The following ZNF385D variants were observed in gnomAD, a reference collection of about 807,000 sequenced individuals.
ZNF385D encodes zinc finger protein 385D.
A neutral mutation model predicts 35.8 loss-of-function variants in ZNF385D; 15 were observed. The observed-to-expected ratio is 0.42, with a 90% CI of 0.28 to 0.64. ZNF385D has a LOEUF of 0.64. ZNF385D is among the 30% of genes least tolerant of loss of function. ZNF385D has a pLI of 0.23. For missense variants in ZNF385D, 474 were observed against 494.6 expected, an observed-to-expected ratio of 0.96 and a Z score of 0.39; for synonymous variants, 212 against 186.8, an observed-to-expected ratio of 1.13 and a Z score of -1.10.
At chr3:22,018,017 C>T (rs1042396930) in intron 3 of ZNF385D, among the ~76,000 whole-genome samples, 1 of 151,720 alleles carries the variant, frequency 6.6e-6, no homozygotes, top group African/African-American at 2.4e-5. Context: ...TGATATTTAA[C>T]TGGATATAGA....
At chr3:21,993,190 A>T (rs553240684) in intron 3 of ZNF385D, among the ~76,000 whole-genome samples, 1 of 152,286 alleles carries the variant, frequency 6.6e-6, no homozygotes, top group East Asian at 1.9e-4. Context: ...ATACTTTGAC[A>T]TTCATATCTG....
At chr3:22,124,279 A>G (rs1703297122) in intron 3 of ZNF385D, among the ~76,000 whole-genome samples, 1 of 152,122 alleles carries the variant, frequency 6.6e-6, no homozygotes, top group South Asian at 2.1e-4. Flanking sequence ...TAATGGCTGA[A>G]TAGTACTTCA....
chr3:21,580,423 A>T lies in ZNF385D; in HGVS notation c.166-15739T>A, dbSNP rs115523703. Among the ~76,000 whole-genome samples, 1,439 of 152,336 alleles carry T rather than the reference A, an allele frequency of 9.4e-3. 10 individuals are homozygous for T. The highest frequency in any genetic ancestry group is 0.015 in the Non-Finnish European group (989 of 68,036). On this transcript the variant is annotated intron_variant, in intron 2 of 7. Coordinates refer to ENST00000281523, the MANE Select transcript of ZNF385D (RefSeq NM_024697.3). ...TCACAAAATTAAAGTTACGAAGTCT[A>T]TAGAAAACAAATTAAACAATGGCAC...
rs150485626 is a variant in ZNF385D at position 22,186,150 on chromosome 3, T to G, written c.107-17115A>C. 1.9e-3 allele frequency among the ~76,000 whole-genome samples: 286 copies of G among 152,276 alleles called. 2 individuals are homozygous for G. In the Middle Eastern group the frequency reaches 0.024, roughly 13 times the overall value. On this transcript the variant is annotated intron_variant, in intron 2 of 5. Coordinates refer to the ZNF385D transcript ENST00000494108. Reference sequence around the variant, plus strand: ...GCAAGTTTACTTCACGTAATTGGAGTTAGAAAGTGAGGTTTTTCTTTAGGA... The same window carrying G: ...GCAAGTTTACTTCACGTAATTGGAGGTAGAAAGTGAGGTTTTTCTTTAGGA...
At chr3:21,963,332 G>A (rs1217489513) in intron 3 of ZNF385D, among the ~76,000 whole-genome samples, 3 of 152,132 alleles carry the variant, frequency 2.0e-5, no homozygotes, top group Admixed American at 1.3e-4. Flanking sequence ...GGAGAAGGAT[G>A]AACAGTACTT....
At chr3:22,057,444 T>C (rs552277430) in intron 3 of ZNF385D, among the ~76,000 whole-genome samples, 3 of 152,290 alleles carry the variant, frequency 2.0e-5, no homozygotes, top group African/African-American at 7.2e-5. Context: ...CAACTGATAC[T>C]GCAATTAAAT....
Position 21,421,191 on chromosome 3 carries a change from G to A in ZNF385D, c.*23C>T, listed in dbSNP as rs1478791788. ...TTTTGTTTTTTGAAAAATTATTGCA[G>A]TACAATTACTCCTATTTGGAATTTA... On this transcript the variant is annotated 3_prime_UTR_variant, in exon 8 of 8. Transcript: ENST00000281523. 1 of 1,593,790 alleles carries A rather than the reference G, an allele frequency of 6.3e-7. No homozygotes were observed. The highest frequency in any genetic ancestry group is 8.6e-7 in the Non-Finnish European group (1 of 1,162,784).
At chr3:21,948,171 T>C (rs1204877051) in intron 3 of ZNF385D, among the ~76,000 whole-genome samples, 1 of 152,138 alleles carries the variant, frequency 6.6e-6, no homozygotes. Context: ...CAAAACTGGA[T>C]GGATTCTTCT....
chr3:21,969,218 T>C (rs1281326165), intron 3 of ZNF385D, among the ~76,000 whole-genome samples: 1 of 152,230 alleles, frequency 6.6e-6, no homozygotes, highest in East Asian at 1.9e-4. Flanking sequence ...ACCAGGTAGA[T>C]ACCTGATATG....
At chr3:21,924,581 T>C (rs1345516881) in intron 3 of ZNF385D, among the ~76,000 whole-genome samples, 1 of 152,146 alleles carries the variant, frequency 6.6e-6, no homozygotes, top group Non-Finnish European at 1.5e-5. Context: ...ACCTCTCTAA[T>C]CTATTACAAG....
intron 2 of ZNF385D, among the ~76,000 whole-genome samples, chr3:22,314,559 T>C (rs1266488079): frequency 6.6e-6 from 1 of 152,168 alleles, no homozygotes; most frequent in Non-Finnish European, 1.5e-5. Flanking sequence ...TTTTCCCTAA[T>C]TTTCTTCTAC....
Position 21,736,159 on chromosome 3 carries a change from T to C in ZNF385D, c.22+14736A>G, listed in dbSNP as rs552606302. Among the ~76,000 whole-genome samples, 8 of 152,274 alleles carry C rather than the reference T, an allele frequency of 5.3e-5. No homozygotes were observed. In the South Asian group the frequency reaches 1.7e-3, roughly 32 times the overall value. ...TTTTTGTAAAATAGAGATAATGACA[T>C]CTAGTCATTAAAACAACAGCCTTGC... On this transcript the variant is annotated intron_variant, in intron 1 of 7. Coordinates refer to ENST00000281523, the MANE Select transcript of ZNF385D (RefSeq NM_024697.3).
In ZNF385D at chr3:21,693,642, T is replaced by C. The variant is rs377121882; in HGVS notation, c.23-28614A>G. 3.5e-4 allele frequency among the ~76,000 whole-genome samples: 54 copies of C among 152,244 alleles called. 1 individual carries two copies. Among genetic ancestry groups the C allele is most frequent in the African/African-American group, 1.2e-3 (51 of 41,550 alleles). On this transcript the variant is annotated intron_variant, in intron 1 of 7. Coordinates refer to ENST00000281523, the MANE Select transcript of ZNF385D (RefSeq NM_024697.3). ...TGCTAAAATTCATAAACCAAAAAAG[T>C]ATATGTCCTTTGTAAAGTATAACAG...
intron 1 of ZNF385D, among the ~76,000 whole-genome samples, chr3:21,697,688 A>T (rs183460739): frequency 2.6e-5 from 4 of 152,340 alleles, no homozygotes; most frequent in Admixed American, 2.6e-4. Context: ...AACGGGAGAA[A>T]ATATTTGCAA....
intron 3 of ZNF385D, among the ~76,000 whole-genome samples, chr3:22,016,838 C>A (rs1696917058): frequency 6.6e-6 from 1 of 151,948 alleles, no homozygotes; most frequent in South Asian, 2.1e-4. Context: ...TCCTAGCCTG[C>A]CTCTATAAGT....
At chr3:22,032,600 G>T (rs769353744) in intron 3 of ZNF385D, among the ~76,000 whole-genome samples, 1 of 152,154 alleles carries the variant, frequency 6.6e-6, no homozygotes, top group Admixed American at 6.6e-5. Flanking sequence ...TATAGAACTA[G>T]TAACAGAGGT....
At chr3:21,471,236 T>TTCCC (rs948298124) in intron 4 of ZNF385D, among the ~76,000 whole-genome samples, 1 of 148,536 alleles carries the variant, frequency 6.7e-6, no homozygotes, top group East Asian at 2.0e-4. Context: ...TGAACCATAT[T>TTCCC]TCCCTCCCTC....
At chr3:22,213,943 G>C (rs963373387) in intron 2 of ZNF385D, among the ~76,000 whole-genome samples, 8 of 152,156 alleles carry the variant, frequency 5.3e-5, no homozygotes, top group African/African-American at 1.9e-4. Flanking sequence ...AGTTTATTGA[G>C]TCAGAATTTC....
intron 1 of ZNF385D, among the ~76,000 whole-genome samples, chr3:21,717,384 G>T (rs964333869): frequency 6.6e-6 from 1 of 152,162 alleles, no homozygotes; most frequent in Non-Finnish European, 1.5e-5. Context: ...TATTTGGAAC[G>T]CACATGGGGT....
Sources: allele counts gnomAD v4.1 joint callset (sites outside exome capture counted in the v4.1 genomes callset), GRCh38; gene constraint gnomAD v4.1.1; transcripts MANE v1.5; gene names NCBI Gene and HGNC (gene_info 2026-07-23, HGNC 2026-07-21).